The following ARAP2 variants were observed in gnomAD, a reference collection of about 807,000 sequenced individuals.
ARAP2 encodes the protein ArfGAP with RhoGAP domain, ankyrin repeat and PH domain 2, also known as arf-GAP with Rho-GAP domain, ANK repeat and PH domain-containing protein 2.
In ARAP2, 148 loss-of-function variants were observed where a neutral mutation model predicts 194.5. That is an observed-to-expected ratio of 0.76 (90% CI 0.67 to 0.87). The LOEUF (loss-of-function observed/expected upper bound fraction) is 0.87, where lower values mean the gene tolerates loss of function less well. Among genes scored for constraint, ARAP2 ranks in the 40% least tolerant of loss-of-function variants. ARAP2 has a pLI of 0.00. For synonymous variants in ARAP2, 695 were observed against 683.5 expected (o/e 1.02, Z -0.26); for missense variants, 2,128 against 1,989.7 (o/e 1.07, Z -1.32).
intron 1 of ARAP2, among the ~76,000 whole-genome samples, chr4:36,235,069 A>G (rs2109359183): frequency 6.6e-6 from 1 of 152,264 alleles, no homozygotes; most frequent in East Asian, 1.9e-4. Context: ...TTACTGTGCT[A>G]TACCTTTAAA....
At chr4:36,187,062 C>T (rs1052111745) in intron 8 of ARAP2, among the ~76,000 whole-genome samples, 1 of 152,192 alleles carries the variant, frequency 6.6e-6, no homozygotes, top group African/African-American at 2.4e-5. Context: ...ACTGAGCCTG[C>T]CATAAATGTC....
chr4:36,049,624 G>A (rs1402382320), intron 3 of ARAP2, among the ~76,000 whole-genome samples: 1 of 152,158 alleles, frequency 6.6e-6, no homozygotes, highest in Non-Finnish European at 1.5e-5. Flanking sequence ...AAATTTCAAA[G>A]CTTTGACTTT....
intron 1 of ARAP2, among the ~76,000 whole-genome samples, chr4:36,236,667 T>C (rs2109364503): frequency 6.6e-6 from 1 of 152,312 alleles, no homozygotes; most frequent in East Asian, 1.9e-4. Flanking sequence ...GTCTTACAAA[T>C]TTCCATAACA....
chr4:36,203,497 T>C (rs111919100), intron 6 of ARAP2, among the ~76,000 whole-genome samples: 3,089 of 152,130 alleles, frequency 0.02, 100 homozygotes, highest in African/African-American at 0.07. Context: ...GGCAGGAGAA[T>C]TGCTTGAACC....
intron 8 of ARAP2, among the ~76,000 whole-genome samples, chr4:36,013,688 T>C (rs1221231366): frequency 6.6e-6 from 1 of 151,970 alleles, no homozygotes; most frequent in Non-Finnish European, 1.5e-5. Flanking sequence ...TAACATACAT[T>C]AGAGAATAAT....
intron 3 of ARAP2, among the ~76,000 whole-genome samples, chr4:36,049,272 T>C (rs1031432948): frequency 3.0e-4 from 46 of 152,324 alleles, no homozygotes; most frequent in African/African-American, 9.1e-4. Context: ...GAAAACTTCC[T>C]GTATAATTAA....
chr4:36,079,621 G>A (rs2136806), intron 31 of ARAP2, among the ~76,000 whole-genome samples: 11,111 of 152,210 alleles, frequency 0.073, 556 homozygotes, highest in Middle Eastern at 0.19. Flanking sequence ...AACAAATACG[G>A]AACTGAGTAT....
intron 6 of ARAP2, among the ~76,000 whole-genome samples, chr4:36,017,000 A>G (rs543023796): frequency 4.6e-5 from 7 of 152,206 alleles, no homozygotes; most frequent in African/African-American, 1.4e-4. Flanking sequence ...ATTGTCATTT[A>G]AAGGTCAGAT....
chr4:36,165,456 CAG>C (rs2109800654), intron 10 of ARAP2, among the ~76,000 whole-genome samples: 1 of 152,178 alleles, frequency 6.6e-6, no homozygotes, highest in East Asian at 1.9e-4. Context: ...AGGTTTTTGG[CAG>C]AGTTTCAGGG....
At chr4:36,184,297 G>A (rs1038348264) in intron 8 of ARAP2, among the ~76,000 whole-genome samples, 2 of 143,962 alleles carry the variant, frequency 1.4e-5, no homozygotes, top group Non-Finnish European at 3.0e-5. Context: ...ATATATATAC[G>A]TACACACACC....
At chr4:36,161,397 C>A (rs892409427) in intron 12 of ARAP2, 68 bp downstream of exon 12, 5 of 1,347,858 alleles carry the variant, frequency 3.7e-6, no homozygotes, top group South Asian at 1.2e-5. Context: ...AAACCCACAG[C>A]AAACCTCCTC....
chr4:36,200,154 T>G (rs774973927), intron 6 of ARAP2, among the ~76,000 whole-genome samples: 7 of 152,230 alleles, frequency 4.6e-5, no homozygotes, highest in Non-Finnish European at 7.3e-5. Flanking sequence ...GTTTTCCACA[T>G]GTGAACTTCA....
At chr4:36,151,790 A>G (rs1731051573) in intron 15 of ARAP2, among the ~76,000 whole-genome samples, 2 of 152,180 alleles carry the variant, frequency 1.3e-5, no homozygotes, top group Admixed American at 6.5e-5. Context: ...ATATACATAC[A>G]TATGATACAT....
chr4:36,091,110 A>C (rs1318166575), intron 28 of ARAP2, among the ~76,000 whole-genome samples: 1 of 152,192 alleles, frequency 6.6e-6, no homozygotes, highest in East Asian at 1.9e-4. Context: ...TAAAGTGAAC[A>C]TACTGGTGTA....
intron 6 of ARAP2, among the ~76,000 whole-genome samples, chr4:36,197,638 ACTGC>A (rs1308979791): frequency 6.6e-6 from 1 of 152,172 alleles, no homozygotes; most frequent in Non-Finnish European, 1.5e-5. Context: ...GGATCCCATC[ACTGC>A]CAACGGCAAG....
chr4:36,151,159 C>A, intron 15 of ARAP2, 115 bp from the exon 16 acceptor site: 1 of 928,236 alleles, frequency 1.1e-6, no homozygotes, highest in Non-Finnish European at 1.6e-6. Context: ...TTATTAATTT[C>A]CTATTTCACA....
chr4:36,217,453 G>T (rs912479716), intron 2 of ARAP2, among the ~76,000 whole-genome samples: 6 of 152,248 alleles, frequency 3.9e-5, no homozygotes, highest in Admixed American at 1.3e-4. Flanking sequence ...CCCAGGAGGC[G>T]GAGGTTGCAG....
Position 36,067,998 on chromosome 4 carries a change from A to G in ARAP2, c.5024T>C (p.Leu1675Ser), listed in dbSNP as rs768260375. Residue 1675 changes from leucine (L) to serine (S), a missense_variant, in exon 33 of 33, where the codon TTA becomes TCA. Physicochemically the swap from Leu to Ser is moderately radical, Grantham distance 145. Coordinates refer to ENST00000303965, the MANE Select transcript of ARAP2 (RefSeq NM_015230.4). ...AAGTTCTTCAATTACCCTTGATGGT[A>G]ACTTATGATCAGAGTCCAAAGTAGC... ...SKATLDSDHK[L>S]PSRVIEELNV... The G allele has an allele frequency of 6.2e-7, 1 of 1,614,156 alleles. No individual in the cohort carries two copies. The highest frequency in any genetic ancestry group is 8.5e-7 in the Non-Finnish European group (1 of 1,179,970).
chr4:36,101,843 T>A (rs1056917412), intron 27 of ARAP2, among the ~76,000 whole-genome samples: 2 of 152,034 alleles, frequency 1.3e-5, no homozygotes, highest in Non-Finnish European at 2.9e-5. Context: ...TAAGTAATAG[T>A]CATGATTACC....
Sources: gnomAD v4.1 joint callset for allele counts (sites outside exome capture counted in the v4.1 genomes callset) on GRCh38, gnomAD v4.1.1 for gene constraint, MANE v1.5 for transcripts, NCBI Gene and HGNC (gene_info 2026-07-23, HGNC 2026-07-21) for gene names.